The following RNF111 variants were observed in gnomAD, a reference collection of about 807,000 sequenced individuals.
RNF111 encodes the protein ring finger protein 111, also known as E3 ubiquitin-protein ligase Arkadia.
A neutral mutation model predicts 95.1 loss-of-function variants in RNF111; 17 were observed. That is an observed-to-expected ratio of 0.18 (90% CI 0.12 to 0.27). The LOEUF (loss-of-function observed/expected upper bound fraction) is 0.27, where lower values mean the gene tolerates loss of function less well. Among genes scored for constraint, RNF111 ranks in the 10% least tolerant of loss-of-function variants. The pLI is 1.00. For missense variants in RNF111, 1,189 were observed against 1,210.4 expected (o/e 0.98, Z 0.26); for synonymous variants, 440 against 414.8 (o/e 1.06, Z -0.74).
intron 6 of RNF111, among the ~76,000 whole-genome samples, chr15:59,068,335 G>C (rs1224890979): frequency 6.6e-6 from 1 of 152,220 alleles, no homozygotes; most frequent in Non-Finnish European, 1.5e-5. Context: ...AGGCTGGCAT[G>C]GTGGCTCACG....
intron 8 of RNF111, 111 bp from the exon 9 acceptor site, chr15:59,084,018 A>G (rs558453777): frequency 6.3e-6 from 5 of 797,054 alleles, no homozygotes; most frequent in Admixed American, 4.3e-5. Flanking sequence ...TTTTATGACT[A>G]ATCTATAGAT....
At chr15:59,093,788 TCA>T (rs1398621268) in intron 13 of RNF111, among the ~76,000 whole-genome samples, 1 of 152,150 alleles carries the variant, frequency 6.6e-6, no homozygotes, top group Non-Finnish European at 1.5e-5. Flanking sequence ...TCGTACCTCT[TCA>T]GTTGGCTGAG....
chr15:59,076,708 A>C (rs548617859), intron 7 of RNF111, among the ~76,000 whole-genome samples: 16 of 152,364 alleles, frequency 1.1e-4, no homozygotes, highest in African/African-American at 2.9e-4. Flanking sequence ...AAAATAAAAT[A>C]GAACCAGCCA....
chr15:59,076,257 A>G, intron 7 of RNF111, 42 bp downstream of exon 7: 1 of 1,585,574 alleles, frequency 6.3e-7, no homozygotes. Context: ...GAGTCATGTC[A>G]ATGAAGCATT....
intron 1 of RNF111, among the ~76,000 whole-genome samples, chr15:58,989,379 A>G (rs758223190): frequency 1.5e-4 from 23 of 152,316 alleles, no homozygotes; most frequent in Middle Eastern, 3.4e-3. Context: ...TGACTTTATC[A>G]TCTCTCTCCT....
intron 2 of RNF111, among the ~76,000 whole-genome samples, chr15:59,046,820 A>C (rs1295629224): frequency 1.3e-5 from 2 of 152,206 alleles, no homozygotes; most frequent in African/African-American, 4.8e-5. Flanking sequence ...CAAATAGTAT[A>C]TCTGAGAAAA....
intron 1 of RNF111, among the ~76,000 whole-genome samples, chr15:59,022,984 C>A (rs1220396301): frequency 1.3e-5 from 2 of 152,162 alleles, no homozygotes; most frequent in African/African-American, 4.8e-5. Flanking sequence ...CGGTGGCTTA[C>A]GCCTGTAATC....
At chr15:59,045,834 A>G (rs2041682901) in intron 2 of RNF111, among the ~76,000 whole-genome samples, 1 of 152,250 alleles carries the variant, frequency 6.6e-6, no homozygotes, top group South Asian at 2.1e-4. Flanking sequence ...GTTTATGATT[A>G]TGAAGCAAGA....
intron 2 of RNF111, among the ~76,000 whole-genome samples, chr15:59,050,689 C>T (rs2041938673): frequency 6.6e-6 from 1 of 152,148 alleles, no homozygotes; most frequent in Admixed American, 6.5e-5. Context: ...ACCTGTAAAA[C>T]CATCATTACA....
At chr15:59,006,646 G>A (rs560076231) in intron 1 of RNF111, among the ~76,000 whole-genome samples, 3 of 151,932 alleles carry the variant, frequency 2.0e-5, no homozygotes, top group South Asian at 4.2e-4. Flanking sequence ...TCCTCCAACC[G>A]TCCATCAACC....
intron 1 of RNF111, among the ~76,000 whole-genome samples, chr15:58,998,968 T>C (rs2039207869): frequency 6.6e-6 from 1 of 152,234 alleles, no homozygotes; most frequent in Non-Finnish European, 1.5e-5. Flanking sequence ...AGCAGTTGTT[T>C]TTTCACTGAT....
intron 3 of RNF111, among the ~76,000 whole-genome samples, chr15:59,054,948 C>T (rs1305414690): frequency 6.6e-6 from 1 of 152,190 alleles, no homozygotes; most frequent in African/African-American, 2.4e-5. Flanking sequence ...GCATATTCTA[C>T]ATATTATCCC....
intron 3 of RNF111, among the ~76,000 whole-genome samples, 172 bp downstream of exon 3, chr15:59,052,603 G>C (rs1446237): frequency 8.1e-6 from 1 of 123,192 alleles, no homozygotes; most frequent in Non-Finnish European, 1.6e-5. Context: ...GTAAGAGATA[G>C]AATATTGCTA....
intron 2 of RNF111, among the ~76,000 whole-genome samples, chr15:59,042,437 T>C (rs1329371333): frequency 6.6e-6 from 1 of 152,186 alleles, no homozygotes; most frequent in African/African-American, 2.4e-5. Context: ...ACATTTTTTT[T>C]CACAAGTCAT....
In RNF111 at chr15:59,094,975, G is replaced by A; in HGVS notation, c.*75G>A. 1 of 877,510 alleles carries A rather than the reference G, an allele frequency of 1.1e-6. No individual in the cohort carries two copies. The allele number at this position is 877,510 out of a possible 1,614,324, so 54.4% of individuals were successfully genotyped here. On this transcript the variant is annotated 3_prime_UTR_variant, in exon 14 of 14. Transcript: ENST00000348370. ...TACTGCAGTCAACCAAAGATGGCAT[G>A]ACTTACCTGCGCAGATTTGGAAGCA...
intron 1 of RNF111, among the ~76,000 whole-genome samples, chr15:59,001,302 A>G (rs1235457895): frequency 1.3e-5 from 2 of 152,158 alleles, no homozygotes; most frequent in Non-Finnish European, 2.9e-5. Context: ...AAATATTTAC[A>G]TTGCCTTTGA....
chr15:59,084,484 T>C (rs2078839808), intron 9 of RNF111: 2 of 352,742 alleles, frequency 5.7e-6, no homozygotes, highest in Non-Finnish European at 1.0e-5. Context: ...TGTTATTTTA[T>C]GTTTAATTGA....
chr15:59,021,608 C>T (rs868473580), intron 1 of RNF111, among the ~76,000 whole-genome samples: 16 of 152,088 alleles, frequency 1.1e-4, no homozygotes, highest in African/African-American at 1.4e-4. Flanking sequence ...TTAACCGTTA[C>T]GGAATTTTAT....
At chr15:59,085,583 G>A (rs1337577493) in intron 9 of RNF111, 76 bp from the exon 10 acceptor site, 7 of 1,312,096 alleles carry the variant, frequency 5.3e-6, no homozygotes, top group Non-Finnish European at 7.1e-6. Context: ...TTTTTTAAGT[G>A]TAAACATAAC....
Sources: gnomAD v4.1 joint callset for allele counts (sites outside exome capture counted in the v4.1 genomes callset) on GRCh38, gnomAD v4.1.1 for gene constraint, MANE v1.5 for transcripts, NCBI Gene and HGNC (gene_info 2026-07-23, HGNC 2026-07-21) for gene names.